FMN2: variants seen among roughly 807,000 people sequenced by gnomAD.
The protein encoded by FMN2 is formin-2.
A neutral mutation model predicts 142.3 loss-of-function variants in FMN2; 51 were observed. That is an observed-to-expected ratio of 0.36 (90% CI 0.29 to 0.45). The LOEUF (loss-of-function observed/expected upper bound fraction) is 0.45. FMN2 is among the 20% of genes least tolerant of loss of function. The pLI is 1.00. For missense variants in FMN2, 1,936 were observed against 2,122.8 expected (o/e 0.91, Z 1.73); for synonymous variants, 882 against 869.8 (o/e 1.01, Z -0.25).
intron 7 of FMN2, among the ~76,000 whole-genome samples, chr1:240,281,565 T>C (rs1297217739): frequency 6.6e-6 from 1 of 152,168 alleles, no homozygotes; most frequent in East Asian, 1.9e-4. Flanking sequence ...AGATATTCTG[T>C]CTTCTCTGTG....
chr1:240,240,219 G>A (rs1667846348), intron 6 of FMN2, among the ~76,000 whole-genome samples: 1 of 152,106 alleles, frequency 6.6e-6, no homozygotes, highest in South Asian at 2.1e-4. Flanking sequence ...GGTAGAGCCT[G>A]GAACCAGACT....
rs35590068 is a variant in FMN2 at position 240,413,120 on chromosome 1, CAAAAAAAAAAAAAA to C, written c.4910+20574_4910+20587del. 4.5e-4 allele frequency among the ~76,000 whole-genome samples: 11 copies of C among 24,582 alleles called. No individual in the cohort carries two copies. The Middle Eastern group carries it at 0.1, about 223-fold the overall frequency. The allele number at this position is 24,582 out of a possible 152,430, so 16.1% of individuals were successfully genotyped here. A position where few individuals can be genotyped will look rare whatever the true frequency, so the allele number is the denominator to read the frequency against. On this transcript the variant is annotated intron_variant, in intron 15 of 17. Transcript: ENST00000319653. ...CCTGGGCGACAAAGCGAGACTCTGT[CAAAAAAAAAAAAAA>C]AAAAAAAAAAAAAAAGCAGCAAATA...
chr1:240,205,358 T>C (rs1666294032), intron 4 of FMN2, among the ~76,000 whole-genome samples: 1 of 152,136 alleles, frequency 6.6e-6, no homozygotes, highest in Non-Finnish European at 1.5e-5. Flanking sequence ...TCTTCCTATG[T>C]TTGTTTGTCT....
chr1:240,215,571 A>G (rs981713164), intron 6 of FMN2, among the ~76,000 whole-genome samples: 3 of 152,348 alleles, frequency 2.0e-5, no homozygotes, highest in African/African-American at 7.2e-5. Context: ...ATATACTTTT[A>G]AAAATGAATT....
chr1:240,197,079 G>A (rs1246342764), intron 4 of FMN2, among the ~76,000 whole-genome samples: 2 of 152,158 alleles, frequency 1.3e-5, no homozygotes. Context: ...AAAGACCAAA[G>A]CATAGTAATA....
chr1:240,216,228 T>C (rs1261741339), intron 6 of FMN2, among the ~76,000 whole-genome samples: 1 of 152,220 alleles, frequency 6.6e-6, no homozygotes, highest in Non-Finnish European at 1.5e-5. Context: ...CTACATTTCA[T>C]TTATCCCATG....
chr1:240,092,838 C>A lies in FMN2; in HGVS notation c.729C>A (p.Pro243=), dbSNP rs761713019. The A allele has an allele frequency of 6.4e-7, 1 of 1,558,568 alleles. No homozygotes were observed. The highest frequency in any genetic ancestry group is 8.7e-7 in the Non-Finnish European group (1 of 1,153,846). The change falls in exon 1 of 18, where the codon CCC becomes CCA. Residue 243 remains proline, a synonymous_variant. Transcript: ENST00000319653. ...AAPPTAVSPQ[P]GAFLGLDRFL... ...CCCCCACTGCCGTCTCCCCTCAGCC[C>A]GGGGCCTTCCTGGGCCTGGACCGGT...
At chr1:240,150,106 T>A (rs1464801014) in intron 2 of FMN2, among the ~76,000 whole-genome samples, 1 of 152,244 alleles carries the variant, frequency 6.6e-6, no homozygotes, top group Non-Finnish European at 1.5e-5. Context: ...AACAGATTTT[T>A]AATTAAGTTG....
intron 2 of FMN2, among the ~76,000 whole-genome samples, chr1:240,147,054 C>T (rs567654147): frequency 2.8e-4 from 42 of 152,032 alleles, no homozygotes; most frequent in Non-Finnish European, 4.4e-4. Flanking sequence ...TTTAGTTGGC[C>T]GGAGTGGAGG....
chr1:240,214,910 A>G (rs924817419), intron 6 of FMN2, among the ~76,000 whole-genome samples: 5 of 152,160 alleles, frequency 3.3e-5, no homozygotes, highest in African/African-American at 7.2e-5. Flanking sequence ...TATAAAAAAT[A>G]TAAAAATTAG....
At position 240,178,137 on chromosome 1, in the gene FMN2, T is replaced by G. The variant is rs369248219; in HGVS notation, c.1930+69T>G. ...ATAGAGAGAGAGAAGTTTTATTAAATCTTAGTTTTAAGTAATCTTTTATTT... is the reference window on the plus strand; with the variant it reads ...ATAGAGAGAGAGAAGTTTTATTAAAGCTTAGTTTTAAGTAATCTTTTATTT... On this transcript the variant is annotated intron_variant, in intron 3 of 17. Transcript: ENST00000319653. 4 of 1,374,886 alleles carry G rather than the reference T, an allele frequency of 2.9e-6. No individual in the cohort carries two copies. The South Asian group carries it at 9.0e-5, about 31-fold the overall frequency. 85.2% of individuals were successfully genotyped at this position (1,374,886 alleles called of 1,614,324 possible). A position where few individuals can be genotyped will look rare whatever the true frequency, so the allele number is the denominator to read the frequency against.
At chr1:240,213,270 G>T (rs944140619) in intron 6 of FMN2, among the ~76,000 whole-genome samples, 37 of 152,076 alleles carry the variant, frequency 2.4e-4, no homozygotes, top group African/African-American at 8.9e-4. Context: ...TGATAGTGAC[G>T]CTACTGTTGA....
chr1:240,227,446 A>G (rs1667350184), intron 6 of FMN2, among the ~76,000 whole-genome samples: 1 of 152,192 alleles, frequency 6.6e-6, no homozygotes, highest in Admixed American at 6.6e-5. Context: ...TTAGCAAAAT[A>G]GACAAGCTAA....
At chr1:240,217,476 G>A (rs1254016787) in intron 6 of FMN2, among the ~76,000 whole-genome samples, 1 of 152,112 alleles carries the variant, frequency 6.6e-6, no homozygotes, top group Non-Finnish European at 1.5e-5. Context: ...ATTTAAATTT[G>A]TTTTGGGGAT....
intron 3 of FMN2, among the ~76,000 whole-genome samples, chr1:240,187,892 T>C (rs2103347298): frequency 6.6e-6 from 1 of 152,284 alleles, no homozygotes; most frequent in South Asian, 2.1e-4. Flanking sequence ...TAATATAATC[T>C]GTGAAAGTCT....
chr1:240,305,805 A>ACTT (rs35162233), intron 8 of FMN2, among the ~76,000 whole-genome samples: 76,801 of 151,726 alleles, frequency 0.51, 19,674 homozygotes, highest in Admixed American at 0.6. Flanking sequence ...TTCCACTTAT[A>ACTT]CTTCTTGTCA....
At chr1:240,253,409 C>T (rs749736524) in intron 6 of FMN2, among the ~76,000 whole-genome samples, 6 of 152,254 alleles carry the variant, frequency 3.9e-5, no homozygotes, top group Non-Finnish European at 7.4e-5. Flanking sequence ...GTATTTTATT[C>T]AATGAAGTCT....
intron 15 of FMN2, among the ~76,000 whole-genome samples, chr1:240,395,375 A>G (rs952854801): frequency 1.3e-5 from 2 of 152,182 alleles, no homozygotes; most frequent in African/African-American, 4.8e-5. Flanking sequence ...TCAAGGAGTA[A>G]TTTTGACTTT....
intron 7 of FMN2, among the ~76,000 whole-genome samples, chr1:240,271,098 G>GTTTTTTTTTTTTTTTTTTTT (rs56686860): frequency 0.014 from 982 of 72,064 alleles, 103 homozygotes; most frequent in Non-Finnish European, 0.017. Context: ...TTCCACGATG[G>GTTTTTTTTTTTTTTTTTTTT]TTTTTTTTTT....
Sources: allele counts gnomAD v4.1 joint callset (sites outside exome capture counted in the v4.1 genomes callset), GRCh38; gene constraint gnomAD v4.1.1; transcripts MANE v1.5; gene names NCBI Gene and HGNC (gene_info 2026-07-23, HGNC 2026-07-21).